Variants in GKAP1 observed in about 807,000 individuals in gnomAD.
The protein encoded by GKAP1 is G kinase-anchoring protein 1.
In GKAP1, 31 loss-of-function variants were observed where a neutral mutation model predicts 56.7. The ratio of observed to expected loss-of-function variants is 0.55; its 90% CI spans 0.41 to 0.74. The LOEUF (loss-of-function observed/expected upper bound fraction) is 0.74, where lower values mean the gene tolerates loss of function less well. GKAP1 is among the 30% of genes least tolerant of loss of function. The pLI is 0.00. For missense variants in GKAP1, 364 were observed against 402.3 expected (o/e 0.90, Z 0.82); for synonymous variants, 151 against 138.6 (o/e 1.09, Z -0.63).
chr9:83,789,525 A>C (rs1302038727), intron 4 of GKAP1, among the ~76,000 whole-genome samples: 1 of 152,188 alleles, frequency 6.6e-6, no homozygotes, highest in Non-Finnish European at 1.5e-5. Flanking sequence ...ACAAAAGCAT[A>C]AATTTAGTGG....
chr9:83,739,836 G>A (rs773666258), intron 12 of GKAP1, 92 bp from the exon 13 acceptor site: 6 of 930,764 alleles, frequency 6.4e-6, no homozygotes, highest in Non-Finnish European at 9.8e-6. Context: ...GGCATCTTGG[G>A]GTATGAGAAG....
chr9:83,740,527 CTTTAT>C (rs1361246568), intron 12 of GKAP1, among the ~76,000 whole-genome samples: 2 of 152,100 alleles, frequency 1.3e-5, no homozygotes, highest in African/African-American at 4.8e-5. Context: ...AATGTATTTA[CTTTAT>C]AATAGTTGTA....
chr9:83,784,969 GCC>G, intron 5 of GKAP1, 131 bp from the exon 6 acceptor site: 1 of 583,926 alleles, frequency 1.7e-6, no homozygotes. Context: ...ATTTAGGCTA[GCC>G]AAATTGTATA....
chr9:83,804,314 C>T (rs1400450799), intron 3 of GKAP1, among the ~76,000 whole-genome samples: 2 of 144,248 alleles, frequency 1.4e-5, no homozygotes, highest in African/African-American at 5.2e-5. Flanking sequence ...GTCAGCACCC[C>T]GCCCGGCCAG....
intron 9 of GKAP1, among the ~76,000 whole-genome samples, chr9:83,751,819 C>T (rs1943395048): frequency 6.6e-6 from 1 of 150,460 alleles, no homozygotes; most frequent in Non-Finnish European, 1.5e-5. Context: ...ACATTGTATA[C>T]ATCACAAGTG....
chr9:83,783,982 C>T (rs1173210732), intron 6 of GKAP1, among the ~76,000 whole-genome samples: 1 of 151,942 alleles, frequency 6.6e-6, no homozygotes, highest in Non-Finnish European at 1.5e-5. Flanking sequence ...AATTTAATCG[C>T]TACCAGGTGT....
Position 83,784,811 on chromosome 9 carries a change from T to G in GKAP1, c.466A>C (p.Thr156Pro), listed in dbSNP as rs770320545. 1.9e-6 allele frequency: 3 copies of G among 1,591,212 alleles called. No homozygotes were observed. In the South Asian group the frequency reaches 3.4e-5, roughly 18 times the overall value. ...KEYEDAENTS[T>P]QSKVMNKKDK... ...TTTTTATTCATAACTTTGGACTGAG[T>G]TGAAGTATTTTCAGCATCTTCATAC... Residue 156 changes from threonine (T) to proline (P), a missense_variant, in exon 6 of 13, where the codon ACT becomes CCT. By Grantham distance (38) the Thr-to-Pro change is conservative. Coordinates refer to ENST00000376371, the MANE Select transcript of GKAP1 (RefSeq NM_025211.4).
At chr9:83,776,759 T>A (rs545894116) in intron 7 of GKAP1, among the ~76,000 whole-genome samples, 1 of 152,212 alleles carries the variant, frequency 6.6e-6, no homozygotes, top group South Asian at 2.1e-4. Flanking sequence ...TAGGGTTCAT[T>A]TTTTTAGCGT....
intron 5 of GKAP1, among the ~76,000 whole-genome samples, chr9:83,786,906 A>G (rs1050379529): frequency 2.0e-5 from 3 of 152,212 alleles, no homozygotes; most frequent in Non-Finnish European, 2.9e-5. Context: ...ACATATATCC[A>G]TAAGTCTAAC....
chr9:83,760,082 A>G (rs1564193036), intron 8 of GKAP1, among the ~76,000 whole-genome samples: 1 of 152,066 alleles, frequency 6.6e-6, no homozygotes, highest in Non-Finnish European at 1.5e-5. Context: ...TTCAAATTCT[A>G]TTGTCTTTAT....
intron 2 of GKAP1, among the ~76,000 whole-genome samples, chr9:83,809,975 T>C (rs1483211320): frequency 6.6e-6 from 1 of 152,000 alleles, no homozygotes; most frequent in Non-Finnish European, 1.5e-5. Context: ...GCCTGGCTAA[T>C]TTTTTCTATT....
chr9:83,771,781 T>C (rs1249002311), intron 7 of GKAP1, among the ~76,000 whole-genome samples: 2 of 152,172 alleles, frequency 1.3e-5, no homozygotes, highest in Admixed American at 6.5e-5. Context: ...AATACAGAAA[T>C]GCTAAAAACC....
chr9:83,739,472 A>G lies in GKAP1; in HGVS notation c.*225T>C. ...TGACTGATGAAAAACTAAAGTGATA[A>G]GAAGTATGGATAGTAGACAACCACT... is the stretch of plus-strand genomic sequence containing the variant. On this transcript the variant is annotated 3_prime_UTR_variant, in exon 13 of 13. Coordinates refer to ENST00000376371, the MANE Select transcript of GKAP1 (RefSeq NM_025211.4). 2.6e-6 allele frequency: 1 copy of G among 382,176 alleles called. No homozygotes were observed. Among genetic ancestry groups the G allele is most frequent in the Non-Finnish European group, 4.6e-6 (1 of 215,178 alleles). 23.7% of individuals were successfully genotyped at this position (382,176 alleles called of 1,614,324 possible). A position where few individuals can be genotyped will look rare whatever the true frequency, so the allele number is the denominator to read the frequency against.
intron 7 of GKAP1, among the ~76,000 whole-genome samples, chr9:83,769,516 T>A (rs1319489702): frequency 6.6e-6 from 1 of 152,248 alleles, no homozygotes; most frequent in Non-Finnish European, 1.5e-5. Context: ...CTGGCTTCTC[T>A]GACTTAGCAA....
chr9:83,793,060 G>C (rs956952320), intron 4 of GKAP1: 5 of 1,026,698 alleles, frequency 4.9e-6, no homozygotes, highest in South Asian at 2.8e-5. Context: ...CAAACCTATA[G>C]CTCAATCAGT....
At chr9:83,788,576 T>G (rs778152190) in intron 5 of GKAP1, 25 bp downstream of exon 5, 1 of 1,319,842 alleles carries the variant, frequency 7.6e-7, no homozygotes, top group Non-Finnish European at 1.1e-6. Flanking sequence ...TTCTAAAATA[T>G]CTAAATCAGT....
At chr9:83,760,107 G>A (rs1943544106) in intron 8 of GKAP1, among the ~76,000 whole-genome samples, 1 of 151,942 alleles carries the variant, frequency 6.6e-6, no homozygotes, top group South Asian at 2.1e-4. Context: ...CAGCTGAATG[G>A]ATTAAAAAAT....
chr9:83,773,883 T>C (rs1483785442), intron 7 of GKAP1, among the ~76,000 whole-genome samples: 1 of 152,172 alleles, frequency 6.6e-6, no homozygotes, highest in Admixed American at 6.5e-5. Context: ...TTCTTTCACA[T>C]GCAGCTATAA....
intron 8 of GKAP1, among the ~76,000 whole-genome samples, chr9:83,761,651 G>A (rs1447224823): frequency 7.1e-6 from 1 of 140,100 alleles, no homozygotes; most frequent in African/African-American, 2.6e-5. Context: ...GAATATTGAT[G>A]CAAAAAATCC....
Sources: gnomAD v4.1 joint callset for allele counts (sites outside exome capture counted in the v4.1 genomes callset) on GRCh38, gnomAD v4.1.1 for gene constraint, MANE v1.5 for transcripts, NCBI Gene and HGNC (gene_info 2026-07-23, HGNC 2026-07-21) for gene names.